B9D1: variants seen among roughly 807,000 people sequenced by gnomAD.
B9D1 encodes B9 domain-containing protein 1.
Under a neutral mutation model 26.1 loss-of-function variants are expected in B9D1, and 20 were observed. The ratio of observed to expected loss-of-function variants is 0.77; its 90% confidence interval spans 0.54 to 1.12. The LOEUF (loss-of-function observed/expected upper bound fraction) is 1.12, where lower values mean the gene tolerates loss of function less well. Among genes scored for constraint, B9D1 ranks in the 50% most tolerant of loss-of-function variants. The pLI, the probability that B9D1 is intolerant of heterozygous loss-of-function variation, is 0.00. For synonymous variants in B9D1, 105 were observed against 103.1 expected, an observed-to-expected ratio of 1.02 and a Z score of -0.11; for missense variants, 260 against 273.7, an observed-to-expected ratio of 0.95 and a Z score of 0.35.
intron 3 of B9D1, among the ~76,000 whole-genome samples, chr17:19,353,081 T>C (rs1033487048): frequency 3.3e-5 from 5 of 151,440 alleles, no homozygotes; most frequent in African/African-American, 1.2e-4. Context: ...GTTCAAGCGA[T>C]TCCCCTGCCT....
downstream of B9D1, among the ~76,000 whole-genome samples, chr17:19,338,044 G>C (rs1173462415): frequency 2.0e-5 from 3 of 152,210 alleles, no homozygotes; most frequent in East Asian, 5.8e-4. Context: ...GCTCTGTGGA[G>C]TACAGAGCCT....
At chr17:19,351,125 C>G (rs1909541357) in intron 3 of B9D1, among the ~76,000 whole-genome samples, 3 of 152,206 alleles carry the variant, frequency 2.0e-5, no homozygotes, top group Admixed American at 2.0e-4. Flanking sequence ...AGGTGTGAGC[C>G]ATGGTGCCTG....
At chr17:19,343,944 T>C in intron 5 of B9D1, 87 bp from the exon 6 acceptor site, 1 of 1,587,828 alleles carries the variant, frequency 6.3e-7, no homozygotes, top group African/African-American at 1.3e-5. Flanking sequence ...TCTCCTCGGT[T>C]CAGAAACCAG....
chr17:19,361,468 G>A (rs773895440), intron 1 of B9D1, among the ~76,000 whole-genome samples: 3 of 152,118 alleles, frequency 2.0e-5, no homozygotes, highest in Non-Finnish European at 4.4e-5. Context: ...AGCAGAGCAG[G>A]GAGGAACAGT....
upstream of B9D1, chr17:19,362,938 G>C (rs1240466458): frequency 2.7e-6 from 1 of 375,084 alleles, no homozygotes; most frequent in Non-Finnish European, 5.2e-6. Context: ...CCCCGCCGAA[G>C]CGCAGAGGCG....
At chr17:19,339,720 A>C (rs568708774), downstream of B9D1, among the ~76,000 whole-genome samples, 1 of 152,184 alleles carries the variant, frequency 6.6e-6, no homozygotes, top group African/African-American at 2.4e-5. Context: ...CTCCCTTATG[A>C]TGCTGCTTTC....
chr17:19,377,898 C>T, exon 1 of B9D1: 1 of 985,384 alleles, frequency 1.0e-6, no homozygotes, highest in Non-Finnish European at 1.2e-6. Flanking sequence ...CCAACTTGGC[C>T]GGAAGCTGCG....
At chr17:19,343,551 C>T (rs892701733) in intron 6 of B9D1, 90 bp from the exon 7 acceptor site, 1 of 1,595,378 alleles carries the variant, frequency 6.3e-7, no homozygotes, top group South Asian at 1.1e-5. Flanking sequence ...GCGTTCTCAT[C>T]TGTAAAATGG....
At chr17:19,369,105 T>C (rs1174361149) in intron 1 of B9D1, among the ~76,000 whole-genome samples, 1 of 152,140 alleles carries the variant, frequency 6.6e-6, no homozygotes, top group Non-Finnish European at 1.5e-5. Flanking sequence ...AGAAAAAACA[T>C]GAAGCATGGC....
upstream of B9D1, among the ~76,000 whole-genome samples, chr17:19,363,505 A>C (rs1009828797): frequency 1.3e-5 from 2 of 152,256 alleles, no homozygotes; most frequent in Non-Finnish European, 2.9e-5. Flanking sequence ...CAGATGGCAA[A>C]GGCAGGTAAG....
Position 19,362,593 on chromosome 17 carries a change from G to T in B9D1, c.-24C>A, listed in dbSNP as rs374581463. On this transcript the variant is annotated 5_prime_UTR_variant, in exon 1 of 7. Coordinates refer to ENST00000261499, the MANE Select transcript of B9D1 (RefSeq NM_015681.6). The stretch of plus-strand genomic sequence containing the variant: ...ATGGCAGGTCTGGGGGTGCCGGGGG[G>T]ACCCACCTAGGCCGCGCGCGGTTGC... 1.3e-4 allele frequency: 206 copies of T among 1,583,746 alleles called. No individual in the cohort carries two copies. In the African/African-American group the frequency reaches 2.3e-3, roughly 17 times the overall value.
In B9D1 at chr17:19,347,829, A is replaced by G. The variant is rs763153642; in HGVS notation, c.296T>C (p.Val99Ala). The change falls in exon 4 of 7, where the codon GTG becomes GCG. Residue 99 changes from valine to alanine, a missense_variant. Transcript: ENST00000261499. The surrounding 1 kb of genome is among the most constrained non-coding windows in gnomAD (Gnocchi z 4.3). ...GTGCACGGCCCCATAGCCTCGAACC[A>G]CATCGTTCCCGAACACATCTGGTCC... ...VYGPDVFGNDVVRGYGAVHVP... is the reference protein window; with the variant it reads ...VYGPDVFGNDAVRGYGAVHVP... 1 of 1,614,056 alleles carries G rather than the reference A, an allele frequency of 6.2e-7. No individual in the cohort carries two copies. The highest frequency in any genetic ancestry group is 1.7e-5 in the Admixed American group (1 of 60,028).
intron 1 of B9D1, 150 bp from the exon 2 acceptor site, chr17:19,360,538 G>C: frequency 1.4e-6 from 1 of 735,384 alleles, no homozygotes; most frequent in Non-Finnish European, 2.4e-6. Flanking sequence ...AGGAGAGGCT[G>C]AGGACCAAGA....
downstream of B9D1, among the ~76,000 whole-genome samples, chr17:19,336,965 G>C (rs1907501410): frequency 6.6e-6 from 1 of 152,246 alleles, no homozygotes; most frequent in South Asian, 2.1e-4. Context: ...GGAAGTGCTA[G>C]CCACTGCCCT....
intron 1 of B9D1, among the ~76,000 whole-genome samples, chr17:19,361,960 G>T (rs1023274290): frequency 1.3e-5 from 2 of 152,232 alleles, no homozygotes; most frequent in Non-Finnish European, 2.9e-5. Flanking sequence ...GACTTGGTGA[G>T]CGTTGGTTTA....
chr17:19,355,018 G>C (rs1910142547), intron 3 of B9D1, among the ~76,000 whole-genome samples: 1 of 151,932 alleles, frequency 6.6e-6, no homozygotes, highest in Non-Finnish European at 1.5e-5. Context: ...TCTCCAGCTT[G>C]TCCTCTCCCC....
intron 1 of B9D1, among the ~76,000 whole-genome samples, chr17:19,376,578 G>A (rs946311987): frequency 1.2e-4 from 15 of 129,420 alleles, no homozygotes; most frequent in Admixed American, 4.8e-4. Flanking sequence ...TCAGGAGTTC[G>A]AGACCAGCCA....
intron 3 of B9D1, among the ~76,000 whole-genome samples, chr17:19,348,418 G>A (rs1402802484): frequency 6.6e-6 from 1 of 152,218 alleles, no homozygotes; most frequent in African/African-American, 2.4e-5. Context: ...TGAGGCGCAT[G>A]AGGCACTTTC....
chr17:19,358,196 G>T (rs1910607485), intron 2 of B9D1, among the ~76,000 whole-genome samples: 1 of 152,102 alleles, frequency 6.6e-6, no homozygotes. Context: ...ACTAGATCTG[G>T]TCCCAAGCTC....
Sources: allele counts gnomAD v4.1 joint callset (sites outside exome capture counted in the v4.1 genomes callset), GRCh38; gene constraint gnomAD v4.1.1; non-coding constraint Gnocchi (gnomAD v3.1); transcripts MANE v1.5; gene names NCBI Gene and HGNC (gene_info 2026-07-23, HGNC 2026-07-21).